The following SLC25A21 variants were observed in gnomAD, a reference collection of about 807,000 sequenced individuals.
SLC25A21 encodes the protein solute carrier family 25 member 21, also known as mitochondrial 2-oxodicarboxylate carrier.
Under a neutral mutation model 43.8 loss-of-function variants are expected in SLC25A21, and 47 were observed. The ratio of observed to expected loss-of-function variants is 1.07; its 90% CI spans 0.85 to 1.37. SLC25A21 has a LOEUF of 1.37. Ranked by LOEUF, SLC25A21 falls within the 40% of genes most tolerant of loss-of-function variation. The pLI is 0.00. For synonymous variants in SLC25A21, 131 were observed against 121.3 expected (o/e 1.08, Z -0.52); for missense variants, 352 against 350.2 (o/e 1.00, Z -0.04).
intron 1 of SLC25A21, among the ~76,000 whole-genome samples, chr14:37,088,991 A>G (rs1218377009): frequency 6.6e-6 from 1 of 152,216 alleles, no homozygotes; most frequent in Non-Finnish European, 1.5e-5. Flanking sequence ...AAAAGCCATG[A>G]CATGCCCATA....
intron 1 of SLC25A21, among the ~76,000 whole-genome samples, chr14:37,167,409 T>A (rs1964047515): frequency 6.6e-6 from 1 of 152,136 alleles, no homozygotes; most frequent in Non-Finnish European, 1.5e-5. Flanking sequence ...GTGAAATAAA[T>A]CTGACCTAAG....
Position 36,979,441 on chromosome 14 carries a change from C to T in SLC25A21, c.71-104437G>A, listed in dbSNP as rs147936887. Among the ~76,000 whole-genome samples, 1,104 of 151,816 alleles carry T rather than the reference C, an allele frequency of 7.3e-3. 16 individuals carry two copies. The highest frequency in any genetic ancestry group is 0.023 in the African/African-American group (964 of 41,346). ...CGTGATAGTGGCTCACTGCAGCCTCCGCCTCCTGGGTTCAAGCAATTCTCC... is the reference window on the plus strand; with the variant it reads ...CGTGATAGTGGCTCACTGCAGCCTCTGCCTCCTGGGTTCAAGCAATTCTCC... On this transcript the variant is annotated intron_variant, in intron 1 of 9. Coordinates refer to ENST00000331299, the MANE Select transcript of SLC25A21 (RefSeq NM_030631.4).
intron 3 of SLC25A21, among the ~76,000 whole-genome samples, chr14:36,798,566 TA>T (rs34894325): frequency 0.38 from 57,726 of 150,192 alleles, 11,179 homozygotes; most frequent in Middle Eastern, 0.48. Flanking sequence ...TTTTTTTTTT[TA>T]ATGTAACTGG....
At chr14:36,778,346 T>C (rs769118712) in intron 3 of SLC25A21, among the ~76,000 whole-genome samples, 2 of 152,238 alleles carry the variant, frequency 1.3e-5, no homozygotes, top group Non-Finnish European at 2.9e-5. Flanking sequence ...ATGCTATTAA[T>C]ATAACAAGAC....
chr14:36,846,857 G>A, intron 2 of SLC25A21, among the ~76,000 whole-genome samples: 1 of 152,182 alleles, frequency 6.6e-6, no homozygotes, highest in East Asian at 1.9e-4. Context: ...CAACAAACAA[G>A]CAGGCAAATA....
intron 1 of SLC25A21, among the ~76,000 whole-genome samples, chr14:37,161,428 T>C (rs942287309): frequency 2.6e-5 from 4 of 152,172 alleles, no homozygotes; most frequent in African/African-American, 9.7e-5. Context: ...GCTTGAGATA[T>C]GGACCATAAA....
chr14:36,841,752 G>A (rs1195077274), intron 2 of SLC25A21, among the ~76,000 whole-genome samples: 6 of 152,060 alleles, frequency 3.9e-5, no homozygotes, highest in South Asian at 4.1e-4. Flanking sequence ...AACACGTGCC[G>A]TGGGCTCAAC....
chr14:37,012,374 T>G (rs1213190203), intron 1 of SLC25A21, among the ~76,000 whole-genome samples: 5 of 152,200 alleles, frequency 3.3e-5, no homozygotes, highest in African/African-American at 1.2e-4. Context: ...AACTTGAAAT[T>G]AACCCACTAT....
intron 1 of SLC25A21, among the ~76,000 whole-genome samples, chr14:37,168,855 A>G (rs1038084512): frequency 2.6e-5 from 4 of 152,148 alleles, no homozygotes; most frequent in Admixed American, 2.0e-4. Flanking sequence ...TAGACCAAGC[A>G]GGCAAGGTTA....
At chr14:36,874,896 G>A (rs769078658) in intron 2 of SLC25A21, 60 bp downstream of exon 2, 32 of 1,445,174 alleles carry the variant, frequency 2.2e-5, no homozygotes, top group Non-Finnish European at 2.7e-5. Context: ...TTAGTGCTCT[G>A]ACAGATCTTA....
At chr14:36,735,534 C>T (rs114068672) in intron 3 of SLC25A21, among the ~76,000 whole-genome samples, 1 of 151,568 alleles carries the variant, frequency 6.6e-6, no homozygotes, top group African/African-American at 2.4e-5. Context: ...GATTCACCCC[C>T]CAAGCTTCAC....
At chr14:36,910,303 T>C (rs1891651900) in intron 1 of SLC25A21, among the ~76,000 whole-genome samples, 4 of 152,264 alleles carry the variant, frequency 2.6e-5, no homozygotes, top group African/African-American at 4.8e-5. Context: ...GTCTATAAAG[T>C]ATCAAAGCCT....
intron 1 of SLC25A21, among the ~76,000 whole-genome samples, chr14:37,040,925 T>C (rs964579686): frequency 1.3e-5 from 2 of 152,028 alleles, no homozygotes; most frequent in Non-Finnish European, 2.9e-5. Flanking sequence ...AGGAAGATGA[T>C]AAATTCATTC....
intron 1 of SLC25A21, among the ~76,000 whole-genome samples, chr14:36,934,953 G>GA (rs1308084297): frequency 1.3e-5 from 2 of 150,612 alleles, no homozygotes; most frequent in Admixed American, 6.6e-5. Flanking sequence ...CCCGCAGAAA[G>GA]AAAGAAGAAA....
rs990309268 is a variant in SLC25A21 at position 37,154,916 on chromosome 14, A to G, written c.70+17365T>C. 1.1e-4 allele frequency among the ~76,000 whole-genome samples: 16 copies of G among 152,164 alleles called. 1 individual carries two copies. Among genetic ancestry groups the G allele is most frequent in the Admixed American group, 1.3e-4 (2 of 15,280 alleles). ...CTCAGCCTCCCAAAGTGCTGGGATT[A>G]TAAGTGTGAGGCACCACGCCCGGCC... is the stretch of plus-strand genomic sequence containing the variant. On this transcript the variant is annotated intron_variant, in intron 1 of 9. Coordinates refer to ENST00000331299, the MANE Select transcript of SLC25A21 (RefSeq NM_030631.4).
At chr14:37,070,024 C>T (rs1405696322) in intron 1 of SLC25A21, among the ~76,000 whole-genome samples, 1 of 152,192 alleles carries the variant, frequency 6.6e-6, no homozygotes, top group Non-Finnish European at 1.5e-5. Flanking sequence ...CAGAAGCTCT[C>T]CATACCTGTG....
intron 1 of SLC25A21, among the ~76,000 whole-genome samples, chr14:37,005,678 G>T (rs563163992): frequency 6.6e-6 from 1 of 151,590 alleles, no homozygotes; most frequent in Non-Finnish European, 1.5e-5. Context: ...TATCTTTCAT[G>T]TGTAGATACA....
chr14:37,091,241 T>C (rs1962578959), intron 1 of SLC25A21, among the ~76,000 whole-genome samples: 1 of 152,116 alleles, frequency 6.6e-6, no homozygotes, highest in African/African-American at 2.4e-5. Context: ...CAGACCAGCC[T>C]GGCTAACATG....
At chr14:36,979,861 G>A (rs1201548091) in intron 1 of SLC25A21, among the ~76,000 whole-genome samples, 1 of 152,186 alleles carries the variant, frequency 6.6e-6, no homozygotes, top group Non-Finnish European at 1.5e-5. Context: ...CAAAGGATCT[G>A]CAGAACTATA....
Sources: gnomAD v4.1 joint callset for allele counts (sites outside exome capture counted in the v4.1 genomes callset) on GRCh38, gnomAD v4.1.1 for gene constraint, MANE v1.5 for transcripts, NCBI Gene and HGNC (gene_info 2026-07-23, HGNC 2026-07-21) for gene names.